The following DRC8 variants were observed in gnomAD, a reference collection of about 807,000 sequenced individuals.
DRC8 encodes the protein dynein regulatory complex protein 8.
the DRC8 span, chr1:245,059,564 A>G: frequency 2.4e-6 from 2 of 839,304 alleles, no homozygotes; most frequent in East Asian, 5.2e-5. Flanking sequence ...GCCCCAAACT[A>G]CTGAATGTGC....
chr1:244,999,530 T>G, the DRC8 span, among the ~76,000 whole-genome samples: 1 of 152,246 alleles, frequency 6.6e-6, no homozygotes, highest in Non-Finnish European at 1.5e-5. Context: ...GATTATTTAT[T>G]AATATTCCTT....
At chr1:245,019,003 G>C in the DRC8 span, among the ~76,000 whole-genome samples, 7 of 152,094 alleles carry the variant, frequency 4.6e-5, no homozygotes, top group Non-Finnish European at 5.9e-5. Flanking sequence ...CTGCCTTCAG[G>C]CTTCCTGACA....
At chr1:245,094,010 T>A in the DRC8 span, among the ~76,000 whole-genome samples, 2 of 152,192 alleles carry the variant, frequency 1.3e-5, no homozygotes, top group Non-Finnish European at 2.9e-5. Context: ...CTTTTAAACA[T>A]GTCAAGATGT....
chr1:244,980,040 TAAA>T, the DRC8 span, among the ~76,000 whole-genome samples: 11 of 34,734 alleles, frequency 3.2e-4, no homozygotes, highest in East Asian at 5.5e-3. Flanking sequence ...CCGTCTCTAC[TAAA>T]AAAAAAAAAA....
the DRC8 span, among the ~76,000 whole-genome samples, chr1:244,978,330 T>A: frequency 1.2e-4 from 18 of 152,134 alleles, no homozygotes; most frequent in African/African-American, 4.1e-4. Flanking sequence ...CCCGTCTCTA[T>A]TAAAAATACA....
the DRC8 span, among the ~76,000 whole-genome samples, chr1:244,974,471 A>G: frequency 1.3e-5 from 2 of 152,204 alleles, no homozygotes; most frequent in East Asian, 3.8e-4. Flanking sequence ...TTGCTTGATA[A>G]AGTGCCTCTA....
the DRC8 span, among the ~76,000 whole-genome samples, chr1:245,029,185 TAACA>T: frequency 6.6e-6 from 1 of 152,178 alleles, no homozygotes; most frequent in East Asian, 1.9e-4. Flanking sequence ...ACAAGAAAAA[TAACA>T]TTTGGATTCA....
the DRC8 span, among the ~76,000 whole-genome samples, chr1:245,069,549 T>C: frequency 1.3e-5 from 2 of 152,078 alleles, no homozygotes; most frequent in Non-Finnish European, 2.9e-5. Context: ...AATGCACAAA[T>C]ACTGCATGTG....
the DRC8 span, among the ~76,000 whole-genome samples, chr1:245,080,757 C>T: frequency 6.6e-6 from 1 of 152,222 alleles, no homozygotes; most frequent in Admixed American, 6.5e-5. Flanking sequence ...CTGCCTCACC[C>T]TCAAGCAGTG....
the DRC8 span, among the ~76,000 whole-genome samples, chr1:245,006,160 C>T: frequency 2.4e-4 from 36 of 152,116 alleles, no homozygotes; most frequent in Non-Finnish European, 4.3e-4. Context: ...TTAAACCAGA[C>T]GGTCAAATTA....
chr1:245,040,850 G>A, the DRC8 span, among the ~76,000 whole-genome samples: 3 of 152,176 alleles, frequency 2.0e-5, no homozygotes, highest in African/African-American at 7.2e-5. Flanking sequence ...TTTTCTAGGT[G>A]TTAGAATATA....
the DRC8 span, among the ~76,000 whole-genome samples, chr1:245,114,772 A>G: frequency 5.3e-5 from 8 of 152,238 alleles, no homozygotes; most frequent in Non-Finnish European, 1.0e-4. Context: ...TCTGTTGCCC[A>G]AGCTGGAGGG....
chr1:245,022,305 C>T, the DRC8 span, among the ~76,000 whole-genome samples: 1 of 151,564 alleles, frequency 6.6e-6, no homozygotes, highest in Non-Finnish European at 1.5e-5. Flanking sequence ...AGGTGTGTGC[C>T]ACCACCCCCG....
At chr1:244,982,083 G>C in the DRC8 span, among the ~76,000 whole-genome samples, 1 of 152,120 alleles carries the variant, frequency 6.6e-6, no homozygotes, top group African/African-American at 2.4e-5. Context: ...AGACCTACAA[G>C]GTGGAGACTC....
chr1:245,036,147 G>T, the DRC8 span, among the ~76,000 whole-genome samples: 1 of 152,088 alleles, frequency 6.6e-6, no homozygotes, highest in African/African-American at 2.4e-5. Context: ...ATCTGATAAG[G>T]GGTCTAGTAC....
the DRC8 span, among the ~76,000 whole-genome samples, chr1:244,993,400 A>G: frequency 1.3e-5 from 2 of 152,166 alleles, no homozygotes; most frequent in African/African-American, 4.8e-5. Flanking sequence ...AAAGTCCAGA[A>G]TATCATATCT....
the DRC8 span, among the ~76,000 whole-genome samples, chr1:245,055,705 TA>T: frequency 6.6e-6 from 1 of 152,218 alleles, no homozygotes; most frequent in African/African-American, 2.4e-5. Flanking sequence ...AAGAAATTCT[TA>T]ACTCTTTTGA....
At chr1:245,080,697 C>T in the DRC8 span, among the ~76,000 whole-genome samples, 7 of 152,152 alleles carry the variant, frequency 4.6e-5, no homozygotes, top group African/African-American at 7.2e-5. Context: ...TCTCCATGGC[C>T]GCCACTCCAA....
At chr1:245,097,517 C>CAA in the DRC8 span, among the ~76,000 whole-genome samples, 11 of 148,524 alleles carry the variant, frequency 7.4e-5, no homozygotes, top group African/African-American at 2.9e-4. This position sits in a 1 kb window ranked among gnomAD's most constrained non-coding sequence, Gnocchi z 5.0. Flanking sequence ...GATTCCCTCT[C>CAA]AAAAAAAAAA....
Sources: allele counts gnomAD v4.1 joint callset (sites outside exome capture counted in the v4.1 genomes callset), GRCh38; gene constraint gnomAD v4.1.1; non-coding constraint Gnocchi (gnomAD v3.1); transcripts MANE v1.5; gene names NCBI Gene and HGNC (gene_info 2026-07-23, HGNC 2026-07-21).